The following CLDN15 variants were observed in gnomAD, a reference collection of about 807,000 sequenced individuals.
The protein encoded by CLDN15 is claudin 15, also known as claudin-15.
CLDN15 carries 9 observed loss-of-function variants against 24.5 expected under a neutral mutation model. The ratio of observed to expected loss-of-function variants is 0.37; its 90% confidence interval spans 0.22 to 0.64. The LOEUF is 0.64. CLDN15 is among the 30% of genes least tolerant of loss of function. The probability of loss-of-function intolerance (pLI) is 0.63; values close to 1 mark genes in which losing one functional copy is unlikely to be tolerated. For synonymous variants in CLDN15, 149 were observed against 131.4 expected (o/e 1.13, Z -0.92); for missense variants, 248 against 305.9 (o/e 0.81, Z 1.41).
At position 101,232,383 on chromosome 7, in the gene CLDN15, G is replaced by A. The variant is rs1392542426; in HGVS notation, c.*27C>T. 4 of 1,535,440 alleles carry A rather than the reference G, an allele frequency of 2.6e-6. No homozygotes were observed. In the East Asian group the frequency reaches 9.0e-5, roughly 35 times the overall value. ...TCCCCTCTCCTTGGGGCAGTGGGAA[G>A]ACAGCGGGGCCCACGGGCCAGAGCT... On this transcript the variant is annotated 3_prime_UTR_variant, in exon 5 of 5. Coordinates refer to ENST00000308344, the MANE Select transcript of CLDN15 (RefSeq NM_014343.3).
rs1298917555 is a variant in CLDN15 at position 101,232,346 on chromosome 7, GC to G, written c.*63del. ...CCCTGAGGTTACTATAGGGGAATGG[GC>G]CCCGGCCAGGTCCCCTCTCCTTGGG... On this transcript the variant is annotated 3_prime_UTR_variant, in exon 5 of 5. Coordinates refer to ENST00000308344, the MANE Select transcript of CLDN15 (RefSeq NM_014343.3). The G allele has an allele frequency of 1.6e-6, 2 of 1,228,152 alleles. No homozygotes were observed. The highest frequency in any genetic ancestry group is 2.4e-6 in the Non-Finnish European group (2 of 849,450). The allele number at this position is 1,228,152 out of a possible 1,614,324, so 76.1% of individuals were successfully genotyped here.
chr7:101,234,689 A>G (rs1485096280), intron 1 of CLDN15, among the ~76,000 whole-genome samples: 3 of 151,792 alleles, frequency 2.0e-5, no homozygotes, highest in Non-Finnish European at 4.4e-5. Flanking sequence ...GGCCTCCTGA[A>G]GTGCTGGGAT....
intron 1 of CLDN15, among the ~76,000 whole-genome samples, chr7:101,235,458 C>T (rs1798604324): frequency 6.6e-6 from 1 of 152,142 alleles, no homozygotes; most frequent in Admixed American, 6.6e-5. Context: ...AATCCTGGGC[C>T]CAGGACCGAT....
At position 101,234,332 on chromosome 7, in the gene CLDN15, G is replaced by C. The variant is rs1798583953; in HGVS notation, c.328C>G (p.Leu110Val). Residue 110 changes from leucine to valine, a missense_variant, in exon 2 of 5, where the codon CTC becomes GTC. Leu to Val is a conservative substitution (Grantham distance 32, BLOSUM62 1). Coordinates refer to ENST00000308344, the MANE Select transcript of CLDN15 (RefSeq NM_014343.3). The part of the protein sequence containing the change: ...LRCTNIGGLE[L>V]SRKAKLAATA... ...GCCGCCAGCTTGGCTTTCCTGGAGAGCTCCAGGCCCCCAATGTTGGTGCAG... is the reference window on the plus strand; with the variant it reads ...GCCGCCAGCTTGGCTTTCCTGGAGACCTCCAGGCCCCCAATGTTGGTGCAG... The C allele has an allele frequency of 1.2e-6, 2 of 1,611,326 alleles. No individual in the cohort carries two copies. Among genetic ancestry groups the C allele is most frequent in the Non-Finnish European group, 1.7e-6 (2 of 1,179,360 alleles).
At chr7:101,232,560 T>G in intron 4 of CLDN15, 44 bp downstream of exon 4, 1 of 1,595,468 alleles carries the variant, frequency 6.3e-7, no homozygotes, top group Non-Finnish European at 8.6e-7. Flanking sequence ...GGCCCTCCTC[T>G]CTCCAATCCC....
intron 1 of CLDN15, among the ~76,000 whole-genome samples, chr7:101,236,527 C>T (rs943215043): frequency 2.6e-5 from 4 of 152,202 alleles, no homozygotes; most frequent in African/African-American, 4.8e-5. Flanking sequence ...GGGCGTGCAG[C>T]GGCACCACAC....
chr7:101,234,458 G>A lies in CLDN15; in HGVS notation c.218-16C>T. ...TGAATATACCCTGGGGGTGGGCACA[G>A]TTGTCAGCCTTTCCCATCTCCCCTC... On this transcript the variant is annotated splice_polypyrimidine_tract_variant and intron_variant, in intron 1 of 4. Coordinates refer to ENST00000308344, the MANE Select transcript of CLDN15 (RefSeq NM_014343.3). 2 of 1,592,036 alleles carry A rather than the reference G, an allele frequency of 1.3e-6. No individual in the cohort carries two copies. Among genetic ancestry groups the A allele is most frequent in the Non-Finnish European group, 1.7e-6 (2 of 1,161,664 alleles).
chr7:101,236,599 G>A (rs1454418752), intron 1 of CLDN15: 6 of 509,684 alleles, frequency 1.2e-5, no homozygotes, highest in Non-Finnish European at 1.9e-5. Context: ...AGACTGCCCC[G>A]GAGAAACAAT....
Position 101,237,491 on chromosome 7 carries a change from C to G in CLDN15, c.91G>C (p.Val31Leu), listed in dbSNP as rs1195346258. The G allele has an allele frequency of 6.2e-7, 1 of 1,614,120 alleles. No individual in the cohort carries two copies. The highest frequency in any genetic ancestry group is 1.1e-5 in the South Asian group (1 of 91,082). The change falls in exon 1 of 5, where the codon GTG (valine) becomes CTG (leucine). Residue 31 changes from valine (V) to leucine (L), a missense_variant. Coordinates refer to ENST00000308344, the MANE Select transcript of CLDN15 (RefSeq NM_014343.3). This position sits in a 1 kb window ranked among gnomAD's most constrained non-coding sequence, Gnocchi z 4.0. ...GVTLPNSYWR[V>L]STVHGNVITT... is the part of the protein sequence containing the mutation. Reference sequence around the variant, plus strand: ...ATGACGTTCCCGTGCACAGTGGACACTCGCCAGTAGCTGTTTGGCAGAGTC... The same window carrying G: ...ATGACGTTCCCGTGCACAGTGGACAGTCGCCAGTAGCTGTTTGGCAGAGTC...
chr7:101,232,290 G>T lies in CLDN15; in HGVS notation c.*120C>A. 1 of 670,404 alleles carries T rather than the reference G, an allele frequency of 1.5e-6. No homozygotes were observed. The highest frequency in any genetic ancestry group is 2.5e-6 in the Non-Finnish European group (1 of 394,074). 41.5% of individuals were successfully genotyped at this position (670,404 alleles called of 1,614,324 possible). A position where few individuals can be genotyped will look rare whatever the true frequency, so the allele number is the denominator to read the frequency against. On this transcript the variant is annotated 3_prime_UTR_variant, in exon 5 of 5. Coordinates refer to ENST00000308344, the MANE Select transcript of CLDN15 (RefSeq NM_014343.3). The stretch of plus-strand genomic sequence containing the variant: ...GTGCAAGACACGGGGCCGTGGCCGG[G>T]GCGGGGCTACGGGAGCGGGGCGTGG...
chr7:101,237,562 G>T lies in CLDN15; in HGVS notation c.20C>A (p.Thr7Asn), dbSNP rs369730209. The change falls in exon 1 of 5, where the codon ACC becomes AAC. Residue 7 changes from threonine (T) to asparagine (N), a missense_variant. Physicochemically the swap from Thr to Asn is moderately conservative, Grantham distance 65. Transcript: ENST00000308344. The surrounding 1 kb of genome is among the most constrained non-coding windows in gnomAD (Gnocchi z 4.0). ...CACAGTTGCCATGAAGAAGCCAAAGGTTTCCACAGCCATCGACATGGTGGG... is the reference window on the plus strand; with the variant it reads ...CACAGTTGCCATGAAGAAGCCAAAGTTTTCCACAGCCATCGACATGGTGGG... Reference protein sequence around the residue: MSMAVETFGFFMATVGL... With the variant: MSMAVENFGFFMATVGL... 6.2e-7 allele frequency: 1 copy of T among 1,614,128 alleles called. No homozygotes were observed. Among genetic ancestry groups the T allele is most frequent in the Non-Finnish European group, 8.5e-7 (1 of 1,179,968 alleles).
chr7:101,236,581 C>T (rs1225509110), intron 1 of CLDN15, among the ~76,000 whole-genome samples: 5 of 152,178 alleles, frequency 3.3e-5, no homozygotes, highest in Non-Finnish European at 5.9e-5. Flanking sequence ...ATAGGGCAGA[C>T]GGAAGGGAGA....
rs887406683 is a variant in CLDN15, at chr7:101,232,912, T to C, written c.385A>G (p.Ile129Val). ...CAGGAGATGGCCACCATCCCGCAGATACCTGGGGACCGGAGGACGACCCCA... is the reference window on the plus strand; with the variant it reads ...CAGGAGATGGCCACCATCCCGCAGACACCTGGGGACCGGAGGACGACCCCA... ...TAGALHILAG[I>V]CGMVAISWYA... Residue 129 changes from isoleucine (I) to valine (V), a missense_variant and splice_region_variant, in exon 3 of 5, where the codon ATC (isoleucine) becomes GTC (valine). Physicochemically the swap from Ile to Val is conservative, Grantham distance 29 (BLOSUM62 3). Transcript: ENST00000308344. 4.4e-6 allele frequency: 7 copies of C among 1,609,092 alleles called. No homozygotes were observed. Among genetic ancestry groups the C allele is most frequent in the Middle Eastern group, 1.6e-4 (1 of 6,068 alleles).
intron 1 of CLDN15, chr7:101,236,836 G>A (rs947258801): frequency 1.6e-5 from 20 of 1,289,930 alleles, no homozygotes; most frequent in East Asian, 1.1e-4. Context: ...GACATCAGCC[G>A]GACAAGGAGA....
At chr7:101,233,903 C>A (rs1297936652) in intron 2 of CLDN15, 1 of 375,566 alleles carries the variant, frequency 2.7e-6, no homozygotes, top group African/African-American at 2.1e-5. Flanking sequence ...GGATTACAGG[C>A]ATGAGCCACC....
At chr7:101,233,174 T>C (rs1798537495) in intron 2 of CLDN15, among the ~76,000 whole-genome samples, 1 of 152,052 alleles carries the variant, frequency 6.6e-6, no homozygotes, top group African/African-American at 2.4e-5. Context: ...CTCCTGCCTC[T>C]TCTCTCTTTG....
chr7:101,238,012 C>A (rs565874232), upstream of CLDN15: 1 of 250,056 alleles, frequency 4.0e-6, no homozygotes, highest in Non-Finnish European at 8.0e-6. Flanking sequence ...AAGCGTCTGT[C>A]TCTGACTCAG....
intron 1 of CLDN15, among the ~76,000 whole-genome samples, chr7:101,234,646 C>T (rs751879845): frequency 2.6e-5 from 4 of 151,992 alleles, no homozygotes; most frequent in East Asian, 1.9e-4. Context: ...AGGCTGGTCT[C>T]GAACTCCTGA....
intron 2 of CLDN15, 66 bp from the exon 3 acceptor site, chr7:101,232,980 G>A (rs1225467498): frequency 2.6e-6 from 3 of 1,146,442 alleles, no homozygotes; most frequent in South Asian, 2.5e-5. Context: ...GGGCTTAGGG[G>A]AGAGGCAGGC....
Sources: allele counts gnomAD v4.1 joint callset (sites outside exome capture counted in the v4.1 genomes callset), GRCh38; gene constraint gnomAD v4.1.1; non-coding constraint Gnocchi (gnomAD v3.1); transcripts MANE v1.5; gene names NCBI Gene and HGNC (gene_info 2026-07-23, HGNC 2026-07-21).